The following STK32A variants were observed in gnomAD, a reference collection of about 807,000 sequenced individuals.
The protein encoded by STK32A is serine/threonine kinase 32A.
A neutral mutation model predicts 53.2 loss-of-function variants in STK32A; 41 were observed. The ratio of observed to expected loss-of-function variants is 0.77; its 90% CI spans 0.60 to 1.00. STK32A has a LOEUF of 1.00. STK32A is among the 50% of genes least tolerant of loss of function. STK32A has a pLI of 0.00. For synonymous variants in STK32A, 166 were observed against 162.8 expected (o/e 1.02, Z -0.15); for missense variants, 458 against 485.8 (o/e 0.94, Z 0.54).
At chr5:147,337,957 G>A (rs935235978) in intron 5 of STK32A, among the ~76,000 whole-genome samples, 26 of 152,100 alleles carry the variant, frequency 1.7e-4, no homozygotes, top group Admixed American at 4.6e-4. Context: ...GGTGTGGGAC[G>A]GATGAAAAGA....
intron 2 of STK32A, 52 bp from the exon 3 acceptor site, chr5:147,278,072 A>G: frequency 7.0e-7 from 1 of 1,424,630 alleles, no homozygotes; most frequent in South Asian, 1.2e-5. Context: ...TTTATTAGCT[A>G]CTAAAGAGAA....
rs138407173 is a variant in STK32A, at chr5:147,356,573, C to T, written c.563-4944C>T. On this transcript the variant is annotated intron_variant, in intron 7 of 12. Transcript: ENST00000397936. ...CTGTCCCTTTGTTCATGTCAATAAA[C>T]ATGCCTCTGCTAAAATAGAAACCCA... 2.5e-3 allele frequency among the ~76,000 whole-genome samples: 382 copies of T among 152,208 alleles called. 1 individual carries two copies. The highest frequency in any genetic ancestry group is 9.0e-3 in the African/African-American group (373 of 41,546).
the STK32A span, among the ~76,000 whole-genome samples, chr5:147,396,325 G>A: frequency 3.4e-4 from 52 of 152,312 alleles, no homozygotes; most frequent in African/African-American, 1.3e-3. Flanking sequence ...CTTCCACCCA[G>A]CACATGCTCT....
chr5:147,236,023 TTG>T (rs1285882418), intron 1 of STK32A, among the ~76,000 whole-genome samples: 40 of 152,258 alleles, frequency 2.6e-4, no homozygotes, highest in African/African-American at 9.4e-4. Flanking sequence ...ACAAAATAAG[TTG>T]TGTCTATGCA....
chr5:147,399,058 C>T, the STK32A span: 3 of 1,610,282 alleles, frequency 1.9e-6, no homozygotes, highest in South Asian at 2.2e-5. Context: ...CATTCTACTC[C>T]ACTCCCACCA....
chr5:147,298,853 A>G (rs1264874493), intron 4 of STK32A, among the ~76,000 whole-genome samples: 1 of 152,236 alleles, frequency 6.6e-6, no homozygotes, highest in Non-Finnish European at 1.5e-5. Context: ...TAGAGTTTCA[A>G]TTCCAATCCC....
intron 2 of STK32A, among the ~76,000 whole-genome samples, chr5:147,274,261 T>C (rs999245267): frequency 2.6e-5 from 4 of 152,170 alleles, no homozygotes; most frequent in African/African-American, 9.7e-5. Context: ...CTCCTTTGCC[T>C]GTTTTCTTGC....
chr5:147,281,481 A>G (rs2151956074), intron 4 of STK32A, among the ~76,000 whole-genome samples: 1 of 152,294 alleles, frequency 6.6e-6, no homozygotes, highest in Middle Eastern at 3.4e-3. Context: ...TGTCAGCAAT[A>G]GAATTGAACA....
At chr5:147,375,019 C>T (rs1169180256) in intron 10 of STK32A, 71 bp from the exon 11 acceptor site, 17 of 1,401,516 alleles carry the variant, frequency 1.2e-5, no homozygotes, top group Non-Finnish European at 1.5e-5. Context: ...TATTATTTTC[C>T]GTATTAGGTC....
At chr5:147,317,323 C>CATT (rs1754048417) in intron 4 of STK32A, among the ~76,000 whole-genome samples, 1 of 81,310 alleles carries the variant, frequency 1.2e-5, no homozygotes. Flanking sequence ...CTTTTTCTTT[C>CATT]TTTTTTTTTT....
chr5:147,397,701 C>T, the STK32A span: 98 of 1,613,980 alleles, frequency 6.1e-5, no homozygotes, highest in Non-Finnish European at 7.9e-5. Flanking sequence ...TAGACATAGT[C>T]GGAGAACGGG....
chr5:147,289,768 G>A (rs866964766), intron 4 of STK32A, among the ~76,000 whole-genome samples: 2 of 152,100 alleles, frequency 1.3e-5, no homozygotes, highest in East Asian at 3.9e-4. Context: ...TTATCACCTT[G>A]TAACAATCAC....
At chr5:147,260,481 G>A (rs1754509774) in intron 2 of STK32A, among the ~76,000 whole-genome samples, 2 of 152,062 alleles carry the variant, frequency 1.3e-5, no homozygotes, top group Non-Finnish European at 2.9e-5. Flanking sequence ...GGGGGTTTAT[G>A]TGAGGTTCAA....
the STK32A span, chr5:147,401,421 C>T: frequency 1.2e-5 from 14 of 1,175,974 alleles, no homozygotes; most frequent in Admixed American, 5.8e-5. Context: ...TCCCAATACA[C>T]TGTTCACACT....
intron 6 of STK32A, among the ~76,000 whole-genome samples, chr5:147,344,813 T>C (rs987950991): frequency 6.6e-6 from 1 of 152,210 alleles, no homozygotes. Context: ...CCACCATTTA[T>C]AGAGGCCTTA....
intron 6 of STK32A, among the ~76,000 whole-genome samples, chr5:147,350,247 T>C (rs1036806944): frequency 7.8e-6 from 1 of 128,280 alleles, no homozygotes; most frequent in African/African-American, 3.0e-5. Flanking sequence ...AGACAAAAAA[T>C]ATGTACAAAA....
In STK32A at chr5:147,262,498, A is replaced by G. The variant is rs917599598; in HGVS notation, c.53-15626A>G. ...TTATTGAGTGCCTACTAAACTCTAGATATGTTTTTAATATATGCTATCTCA... is the reference window on the plus strand; with the variant it reads ...TTATTGAGTGCCTACTAAACTCTAGGTATGTTTTTAATATATGCTATCTCA... On this transcript the variant is annotated intron_variant, in intron 2 of 12. Transcript: ENST00000397936. 2.6e-5 allele frequency among the ~76,000 whole-genome samples: 4 copies of G among 152,246 alleles called. 1 individual carries two copies. In the East Asian group the frequency reaches 7.7e-4, roughly 29 times the overall value.
chr5:147,370,817 G>A (rs1357500686), intron 9 of STK32A, 47 bp downstream of exon 9: 2 of 1,236,136 alleles, frequency 1.6e-6, no homozygotes, highest in Non-Finnish European at 2.4e-6. Context: ...AAAGGAAGCA[G>A]GCTCTCTGGC....
intron 4 of STK32A, among the ~76,000 whole-genome samples, chr5:147,318,467 A>T (rs1011332816): frequency 5.9e-5 from 9 of 152,154 alleles, no homozygotes; most frequent in African/African-American, 2.2e-4. Context: ...GTTTCTTGCA[A>T]TGAAATTATA....
Sources: gnomAD v4.1 joint callset for allele counts (sites outside exome capture counted in the v4.1 genomes callset) on GRCh38, gnomAD v4.1.1 for gene constraint, MANE v1.5 for transcripts, NCBI Gene and HGNC (gene_info 2026-07-23, HGNC 2026-07-21) for gene names.